DPP10: variants seen among roughly 807,000 people sequenced by gnomAD.
The protein encoded by DPP10 is dipeptidyl peptidase like 10.
DPP10 carries 33 observed loss-of-function variants against 120.9 expected under a neutral mutation model. That is an observed-to-expected ratio of 0.27 (90% CI 0.21 to 0.37). The LOEUF is 0.37. Among genes scored for constraint, DPP10 ranks in the 10% least tolerant of loss-of-function variants. DPP10 has a pLI of 1.00. For synonymous variants in DPP10, 337 were observed against 326.1 expected, an observed-to-expected ratio of 1.03 and a Z score of -0.36; for missense variants, 816 against 942.8, an observed-to-expected ratio of 0.87 and a Z score of 1.76.
At chr2:114,887,633 T>C (rs1192117154) in intron 1 of DPP10, among the ~76,000 whole-genome samples, 1 of 152,204 alleles carries the variant, frequency 6.6e-6, no homozygotes, top group Non-Finnish European at 1.5e-5. Flanking sequence ...GATGTATACT[T>C]CAGAGTCTTA....
intron 10 of DPP10, among the ~76,000 whole-genome samples, chr2:115,747,309 C>T (rs531272800): frequency 6.6e-6 from 1 of 152,072 alleles, no homozygotes; most frequent in Non-Finnish European, 1.5e-5. Flanking sequence ...AATAATAGGC[C>T]TGAATTGGCA....
intron 3 of DPP10, among the ~76,000 whole-genome samples, chr2:115,450,750 C>T (rs971264233): frequency 1.3e-5 from 2 of 151,742 alleles, no homozygotes; most frequent in Admixed American, 6.6e-5. Context: ...CATTTTTTGA[C>T]TCTGAATGTT....
intron 5 of DPP10, among the ~76,000 whole-genome samples, chr2:115,687,364 AAC>A (rs1220065305): frequency 2.0e-5 from 3 of 152,076 alleles, no homozygotes; most frequent in Non-Finnish European, 4.4e-5. Flanking sequence ...ATCTGCTGGG[AAC>A]ACACACACAT....
At chr2:114,715,567 A>G (rs1021778194) in intron 1 of DPP10, among the ~76,000 whole-genome samples, 1 of 152,114 alleles carries the variant, frequency 6.6e-6, no homozygotes, top group African/African-American at 2.4e-5. Context: ...AGGTACCACT[A>G]TCTGCCTACT....
intron 1 of DPP10, among the ~76,000 whole-genome samples, chr2:115,019,139 G>C (rs1702887258): frequency 6.6e-6 from 1 of 152,020 alleles, no homozygotes; most frequent in South Asian, 2.1e-4. Flanking sequence ...GCGGTGCAAG[G>C]ACTGGTGAGA....
chr2:114,865,053 C>T (rs571523333), intron 1 of DPP10, among the ~76,000 whole-genome samples: 80 of 152,256 alleles, frequency 5.3e-4, no homozygotes, highest in Non-Finnish European at 7.8e-4. Context: ...GGGATGGGCA[C>T]GTTTTACATT....
At chr2:115,295,676 C>T (rs1023385332) in intron 1 of DPP10, among the ~76,000 whole-genome samples, 1 of 151,916 alleles carries the variant, frequency 6.6e-6, no homozygotes, top group Non-Finnish European at 1.5e-5. Context: ...ACATTTAGTT[C>T]CTGTTCTGCC....
chr2:115,111,709 G>A (rs192509406), intron 1 of DPP10, among the ~76,000 whole-genome samples: 16 of 152,284 alleles, frequency 1.1e-4, no homozygotes, highest in African/African-American at 3.9e-4. Flanking sequence ...CCTGAAATAT[G>A]TGACAGAGCA....
At chr2:114,759,968 G>T (rs1454909199) in intron 1 of DPP10, among the ~76,000 whole-genome samples, 1 of 152,262 alleles carries the variant, frequency 6.6e-6, no homozygotes, top group African/African-American at 2.4e-5. Context: ...AGAAGCAATT[G>T]ATATTTTAGC....
At chr2:114,987,740 A>G (rs17452458) in intron 1 of DPP10, among the ~76,000 whole-genome samples, 29,243 of 147,374 alleles carry the variant, frequency 0.2, 3,196 homozygotes, top group Non-Finnish European at 0.25. Flanking sequence ...AATATCTTGG[A>G]TCTTATTGAG....
At chr2:115,108,190 A>C (rs1456577936) in intron 1 of DPP10, among the ~76,000 whole-genome samples, 1 of 152,208 alleles carries the variant, frequency 6.6e-6, no homozygotes, top group Non-Finnish European at 1.5e-5. Context: ...ACATAGATGA[A>C]ATATGCAGGG....
At chr2:115,468,242 C>T (rs1220380139) in intron 3 of DPP10, 2 of 505,514 alleles carry the variant, frequency 4.0e-6, no homozygotes, top group South Asian at 1.4e-5. Context: ...GCTGACCGCT[C>T]GTGTCATTGT....
Position 114,667,746 on chromosome 2 carries a change from G to A in DPP10, c.60+224908G>A, listed in dbSNP as rs73949003. 8.0e-3 allele frequency among the ~76,000 whole-genome samples: 1,225 copies of A among 152,196 alleles called. 23 individuals are homozygous for A. The highest frequency in any genetic ancestry group is 0.028 in the African/African-American group (1,174 of 41,532). Reference sequence around the variant, plus strand: ...AAGAAGAGTACAAACAGAAACTTACGTTTTTACAAAGAACTAAATTGTGTG... The same window carrying A: ...AAGAAGAGTACAAACAGAAACTTACATTTTTACAAAGAACTAAATTGTGTG... On this transcript the variant is annotated intron_variant, in intron 1 of 25. Transcript: ENST00000410059.
chr2:114,542,573 T>C (rs1687045261), intron 1 of DPP10, among the ~76,000 whole-genome samples: 1 of 152,168 alleles, frequency 6.6e-6, no homozygotes, highest in Non-Finnish European at 1.5e-5. Context: ...TATCCCTGAG[T>C]ATAGAGGAGA....
Position 115,343,980 on chromosome 2 carries a change from A to G in DPP10, c.271+68A>G, listed in dbSNP as rs2063581158. ...TGTATAATTAAAATTTTAAAAAATG[A>G]GATGTGTAAGCTGGGCGCAATGGCT... is the stretch of plus-strand genomic sequence containing the variant. On this transcript the variant is annotated intron_variant, in intron 3 of 25. Transcript: ENST00000410059. The G allele has an allele frequency of 4.5e-6, 6 of 1,340,788 alleles. No homozygotes were observed. In the Admixed American group the frequency reaches 9.0e-5, roughly 20 times the overall value. The allele number at this position is 1,340,788 out of a possible 1,614,324, so 83.1% of individuals were successfully genotyped here.
At chr2:115,234,444 C>G (rs2105511221) in intron 1 of DPP10, 1 of 153,418 alleles carries the variant, frequency 6.5e-6, no homozygotes, top group East Asian at 1.9e-4. Flanking sequence ...GTTGGTTGAC[C>G]TTTCTTCCCT....
chr2:115,318,711 AT>A (rs2061917067), intron 2 of DPP10, among the ~76,000 whole-genome samples: 1 of 151,980 alleles, frequency 6.6e-6, no homozygotes, highest in African/African-American at 2.4e-5. Context: ...TTCTTTTCTG[AT>A]TAATCATTGT....
intron 5 of DPP10, among the ~76,000 whole-genome samples, chr2:115,594,330 A>G (rs920163579): frequency 6.6e-6 from 1 of 152,200 alleles, no homozygotes; most frequent in Admixed American, 6.5e-5. Context: ...GAGAAATCAG[A>G]CAGAAAGAAA....
At position 114,757,262 on chromosome 2, in the gene DPP10, G is replaced by GCGA. The variant is rs1679851754; in HGVS notation, c.60+314424_60+314425insCGA. Among the ~76,000 whole-genome samples the GCGA allele has an allele frequency of 3.0e-5, 4 of 132,996 alleles. No individual in the cohort carries two copies. In the South Asian group the frequency reaches 8.1e-4, roughly 27 times the overall value. The allele number at this position is 132,996 out of a possible 152,430, so 87.3% of individuals were successfully genotyped here. ...GGAAGGAAGGAAAGAAAGGGAAGAG[G>GCGA]GAGAAAGGAAGGAAAGAATGGGGGC... is the stretch of plus-strand genomic sequence containing the variant. On this transcript the variant is annotated intron_variant, in intron 1 of 25. Coordinates refer to ENST00000410059, the MANE Select transcript of DPP10 (RefSeq NM_020868.6).
Sources: allele counts gnomAD v4.1 joint callset (sites outside exome capture counted in the v4.1 genomes callset), GRCh38; gene constraint gnomAD v4.1.1; transcripts MANE v1.5; gene names NCBI Gene and HGNC (gene_info 2026-07-23, HGNC 2026-07-21).